Variants in SYNE1 observed in about 807,000 individuals in gnomAD.
SYNE1 encodes the protein spectrin repeat containing nuclear envelope protein 1, also known as nesprin-1.
Under a neutral mutation model 1,111.0 loss-of-function variants are expected in SYNE1, and 616 were observed. The ratio of observed to expected loss-of-function variants is 0.55; its 90% CI spans 0.52 to 0.59. The LOEUF is 0.59. SYNE1 is among the 20% of genes least tolerant of loss of function. The pLI is 0.00. For missense variants in SYNE1, 10,006 were observed against 10,417.0 expected, an observed-to-expected ratio of 0.96 and a Z score of 1.72; for synonymous variants, 3,855 against 3,825.8, an observed-to-expected ratio of 1.01 and a Z score of -0.28.
intron 3 of SYNE1, among the ~76,000 whole-genome samples, chr6:152,608,688 C>T (rs1410559198): frequency 6.6e-6 from 1 of 152,172 alleles, no homozygotes; most frequent in Non-Finnish European, 1.5e-5. Context: ...ATAATGCCAG[C>T]ACTTTGGGAA....
chr6:152,310,914 TAG>T, intron 87 of SYNE1, 41 bp from the exon 88 acceptor site: 2 of 1,582,390 alleles, frequency 1.3e-6, no homozygotes, highest in Non-Finnish European at 1.7e-6. Context: ...GACGGGCAGG[TAG>T]AGGGATATAG....
chr6:152,395,344 T>C (rs1471567109), intron 51 of SYNE1, among the ~76,000 whole-genome samples, 172 bp downstream of exon 51: 1 of 152,204 alleles, frequency 6.6e-6, no homozygotes, highest in South Asian at 2.1e-4. Context: ...ACCAGAATAC[T>C]GCACTGCTGC....
At chr6:152,186,482 G>A (rs1017779870) in intron 128 of SYNE1, among the ~76,000 whole-genome samples, 9 of 133,030 alleles carry the variant, frequency 6.8e-5, no homozygotes, top group African/African-American at 2.3e-4. Flanking sequence ...CTTGTACCCA[G>A]GAGGTGGAGT....
At chr6:152,295,304 T>C (rs1016660732) in intron 93 of SYNE1, among the ~76,000 whole-genome samples, 1 of 152,202 alleles carries the variant, frequency 6.6e-6, no homozygotes, top group Non-Finnish European at 1.5e-5. Flanking sequence ...CCAACATTTA[T>C]TGATGATATT....
At chr6:152,230,500 G>T in intron 115 of SYNE1, 47 bp downstream of exon 115, 2 of 1,580,994 alleles carry the variant, frequency 1.3e-6, no homozygotes, top group Non-Finnish European at 1.7e-6. Flanking sequence ...ATTAGCATAC[G>T]CTATGAAATT....
intron 3 of SYNE1, among the ~76,000 whole-genome samples, chr6:152,568,289 C>CTTTTTTTTTTTTTTTTT (rs10601350): frequency 3.7e-5 from 3 of 80,310 alleles, no homozygotes; most frequent in Non-Finnish European, 6.6e-5. Flanking sequence ...TTATTTTATT[C>CTTTTTTTTTTTTTTTTT]TTTTTTTTTT....
At chr6:152,323,910 C>T (rs1450597853) in intron 81 of SYNE1, among the ~76,000 whole-genome samples, 173 bp from the exon 82 acceptor site, 1 of 152,018 alleles carries the variant, frequency 6.6e-6, no homozygotes, top group East Asian at 1.9e-4. Flanking sequence ...AAGGAGATAT[C>T]ACCTCTATAC....
At chr6:152,240,867 C>T (rs1469056599) in intron 107 of SYNE1, among the ~76,000 whole-genome samples, 1 of 152,196 alleles carries the variant, frequency 6.6e-6, no homozygotes, top group Admixed American at 6.5e-5. Context: ...ACCAGCACTG[C>T]AGAACTCTCC....
chr6:152,370,324 A>G (rs1326804285), intron 59 of SYNE1, among the ~76,000 whole-genome samples: 1 of 152,156 alleles, frequency 6.6e-6, no homozygotes, highest in Non-Finnish European at 1.5e-5. Flanking sequence ...TGGGTCTGAC[A>G]CTTCCGGAGA....
At chr6:152,259,045 A>T (rs1227728803) in intron 101 of SYNE1, among the ~76,000 whole-genome samples, 2 of 152,176 alleles carry the variant, frequency 1.3e-5, no homozygotes, top group East Asian at 3.9e-4. Context: ...GCACCCAGCC[A>T]TCAGTCTCTT....
intron 128 of SYNE1, 60 bp from the exon 129 acceptor site, chr6:152,180,354 A>G (rs1401667689): frequency 2.0e-6 from 3 of 1,522,748 alleles, no homozygotes; most frequent in Non-Finnish European, 1.8e-6. Context: ...ACCACACTCC[A>G]AGGAAAATAG....
At position 152,334,069 on chromosome 6, in the gene SYNE1, A is replaced by G. The variant is rs370010653; in HGVS notation, c.12733T>C (p.Cys4245Arg). Residue 4245 changes from cysteine to arginine, a missense_variant, in exon 77 of 146, where the codon TGT becomes CGT. Coordinates refer to ENST00000367255, the MANE Select transcript of SYNE1 (RefSeq NM_182961.4). ...AGGAACACTTCAACAACATTCATAC[A>G]GTCATGGTAATCTCTTGTTCTCTGA... is the stretch of plus-strand genomic sequence containing the variant. ...DLQRTRDYHD[C>R]MNVVEVFLEK... 6.2e-7 allele frequency: 1 copy of G among 1,614,202 alleles called. No homozygotes were observed.
At position 152,477,885 on chromosome 6, in the gene SYNE1, C is replaced by T. The variant is rs146238469; in HGVS notation, c.1350+5200G>A. ...GGCTCAAGCAATCCTCCTGCCTCAGCCTCCCGAGTAGCTGGGACTACAGGC... is the reference window on the plus strand; with the variant it reads ...GGCTCAAGCAATCCTCCTGCCTCAGTCTCCCGAGTAGCTGGGACTACAGGC... On this transcript the variant is annotated intron_variant, in intron 14 of 145. Transcript: ENST00000367255. Among the ~76,000 whole-genome samples, 554 of 152,260 alleles carry T rather than the reference C, an allele frequency of 3.6e-3. 12 individuals are homozygous for T. The highest frequency in any genetic ancestry group is 0.034 in the East Asian group (174 of 5,178).
chr6:152,278,367 AG>A, intron 97 of SYNE1, 87 bp from the exon 98 acceptor site: 1 of 1,496,786 alleles, frequency 6.7e-7, no homozygotes, highest in East Asian at 2.3e-5. Flanking sequence ...AGCCCTTTGG[AG>A]TCTTTTACGA....
At chr6:152,636,299 C>T (rs1278484484) in intron 2 of SYNE1, among the ~76,000 whole-genome samples, 1 of 152,098 alleles carries the variant, frequency 6.6e-6, no homozygotes, top group African/African-American at 2.4e-5. Flanking sequence ...GCAACAGTAC[C>T]GACCATCACA....
Position 152,483,150 on chromosome 6 carries a change from T to C in SYNE1, c.1285A>G (p.Ile429Val). 4 of 1,614,222 alleles carry C rather than the reference T, an allele frequency of 2.5e-6. No homozygotes were observed. The highest frequency in any genetic ancestry group is 3.4e-6 in the Non-Finnish European group (4 of 1,180,028). ...TCCTCGTGGACCTGTTGAACGGTTA[T>C]TTCCTCTCTCAGGGCCACCTCCGCT... Reference protein sequence around the residue: ...YRAEVALREEITVQQVHEETA... With the variant: ...YRAEVALREEVTVQQVHEETA... The change falls in exon 14 of 146, where the codon ATA becomes GTA. Residue 429 changes from isoleucine (I) to valine (V), a missense_variant. Transcript: ENST00000367255.
chr6:152,533,243 C>T lies in SYNE1; in HGVS notation c.129+6717G>A, dbSNP rs116195116. On this transcript the variant is annotated intron_variant, in intron 4 of 145. Coordinates refer to ENST00000367255, the MANE Select transcript of SYNE1 (RefSeq NM_182961.4). ...GCTTGGCAAAGGTGGGAAGGTCCTT[C>T]CCATTCTTTTTTGTTTCCTGTGACA... Among the ~76,000 whole-genome samples the T allele has an allele frequency of 6.6e-3, 1,000 of 151,944 alleles. 14 individuals are homozygous for T. The highest frequency in any genetic ancestry group is 0.023 in the African/African-American group (952 of 41,422).
chr6:152,593,820 A>T (rs913557572), intron 3 of SYNE1, among the ~76,000 whole-genome samples: 7 of 152,078 alleles, frequency 4.6e-5, no homozygotes, highest in African/African-American at 1.7e-4. Context: ...AGAAATGCCT[A>T]CTTACAGGGT....
chr6:152,353,253 G>T lies in SYNE1; in HGVS notation c.11253+10C>A. ...AAGGTTGGATACAAATCTGAAGTAT[G>T]CGTGCCTACCTCCAACGTCTTCAAT... is the stretch of plus-strand genomic sequence containing the variant. On this transcript the variant is annotated intron_variant, in intron 69 of 145. Transcript: ENST00000367255. The T allele has an allele frequency of 1.9e-6, 3 of 1,614,112 alleles. No homozygotes were observed. The highest frequency in any genetic ancestry group is 2.5e-6 in the Non-Finnish European group (3 of 1,180,020).
Sources: gnomAD v4.1 joint callset for allele counts (sites outside exome capture counted in the v4.1 genomes callset) on GRCh38, gnomAD v4.1.1 for gene constraint, MANE v1.5 for transcripts, NCBI Gene and HGNC (gene_info 2026-07-23, HGNC 2026-07-21) for gene names.